ABCA1: variants seen among roughly 807,000 people sequenced by gnomAD.
The protein encoded by ABCA1 is ATP binding cassette subfamily A member 1, also known as phospholipid-transporting ATPase ABCA1.
Under a neutral mutation model 262.5 loss-of-function variants are expected in ABCA1, and 133 were observed. The observed-to-expected ratio is 0.51, with a 90% CI of 0.44 to 0.59. The LOEUF (loss-of-function observed/expected upper bound fraction) is 0.59, where lower values mean the gene tolerates loss of function less well. ABCA1 is among the 20% of genes least tolerant of loss of function. The probability of loss-of-function intolerance (pLI) is 0.00; values close to 1 mark genes in which losing one functional copy is unlikely to be tolerated. For missense variants in ABCA1, 2,452 were observed against 2,777.5 expected (o/e 0.88, Z 2.63); for synonymous variants, 1,022 against 1,043.5 (o/e 0.98, Z 0.40).
intron 30 of ABCA1, 97 bp from the exon 31 acceptor site, chr9:104,806,527 T>C (rs1588252151): frequency 4.2e-6 from 5 of 1,199,626 alleles, no homozygotes; most frequent in East Asian, 2.5e-5. Flanking sequence ...ACCACAAACA[T>C]GCATCTATTC....
chr9:104,800,809 A>G (rs1250797165), intron 34 of ABCA1, among the ~76,000 whole-genome samples: 2 of 152,218 alleles, frequency 1.3e-5, no homozygotes, highest in Non-Finnish European at 1.5e-5. Context: ...AGAAGGAATC[A>G]CAGAGAAATC....
chr9:104,875,337 G>A (rs1289855519), intron 5 of ABCA1, among the ~76,000 whole-genome samples: 1 of 141,562 alleles, frequency 7.1e-6, no homozygotes. Context: ...GGGCAACAGA[G>A]TGAGACTCCA....
chr9:104,910,802 T>G (rs1841450633), intron 1 of ABCA1, among the ~76,000 whole-genome samples: 1 of 152,192 alleles, frequency 6.6e-6, no homozygotes, highest in South Asian at 2.1e-4. Flanking sequence ...CCTCCCAGGT[T>G]CAAGTGATTC....
intron 1 of ABCA1, among the ~76,000 whole-genome samples, chr9:104,904,699 A>G (rs1472272963): frequency 6.6e-6 from 1 of 152,170 alleles, no homozygotes; most frequent in Non-Finnish European, 1.5e-5. Flanking sequence ...GGACAACCCT[A>G]GCGCTGTGTC....
At chr9:104,869,884 G>A (rs1473535273) in intron 5 of ABCA1, among the ~76,000 whole-genome samples, 1 of 151,430 alleles carries the variant, frequency 6.6e-6, no homozygotes, top group African/African-American at 2.4e-5. Flanking sequence ...CCATTTTTCT[G>A]TAAATGGAGG....
intron 48 of ABCA1, among the ~76,000 whole-genome samples, 163 bp from the exon 49 acceptor site, chr9:104,785,802 A>G (rs189218593): frequency 2.0e-5 from 3 of 152,316 alleles, no homozygotes; most frequent in African/African-American, 7.2e-5. Flanking sequence ...CTAAATACTT[A>G]TTTTATGTGA....
chr9:104,792,638 T>G, intron 42 of ABCA1, 148 bp downstream of exon 42: 1 of 984,498 alleles, frequency 1.0e-6, no homozygotes, highest in East Asian at 2.5e-5. Flanking sequence ...TCCATGGTGT[T>G]TTTAAAATAA....
intron 1 of ABCA1, among the ~76,000 whole-genome samples, chr9:104,918,173 T>G (rs886292099): frequency 6.6e-6 from 1 of 151,960 alleles, no homozygotes; most frequent in Non-Finnish European, 1.5e-5. Context: ...GTGAGGAATA[T>G]GAGCAGAAGA....
At position 104,825,728 on chromosome 9, in the gene ABCA1, A is replaced by C. The variant is rs890054369; in HGVS notation, c.2497T>G (p.Phe833Val). 3 of 1,614,136 alleles carry C rather than the reference A, an allele frequency of 1.9e-6. No individual in the cohort carries two copies. The African/African-American group carries it at 4.0e-5, about 22-fold the overall frequency. ...TSVSMMLFDT[F>V]LYGVMTWYIE... ...TACCAGGTCATCACCCCATAGAGGA[A>C]GGTGTCAAACAGCATCATGGAGACC... The change falls in exon 17 of 50, where the codon TTC becomes GTC. Residue 833 changes from phenylalanine to valine, a missense_variant. This residue lies in a region of ABCA1 where 1,032 missense variants were observed against 1,089.7 expected (regional missense o/e 0.95). Coordinates refer to ENST00000374736, the MANE Select transcript of ABCA1 (RefSeq NM_005502.4).
chr9:104,920,717 G>C (rs747315840), intron 1 of ABCA1, among the ~76,000 whole-genome samples: 10 of 152,108 alleles, frequency 6.6e-5, no homozygotes, highest in Non-Finnish European at 1.2e-4. Flanking sequence ...TCACCATGCT[G>C]GTCAGGCTGG....
chr9:104,836,630 C>A (rs1833840851), intron 11 of ABCA1, among the ~76,000 whole-genome samples: 1 of 152,162 alleles, frequency 6.6e-6, no homozygotes, highest in African/African-American at 2.4e-5. Flanking sequence ...TTTCCAAAAC[C>A]TACCAAGACA....
At chr9:104,846,160 T>C (rs1371173399) in intron 7 of ABCA1, among the ~76,000 whole-genome samples, 3 of 152,152 alleles carry the variant, frequency 2.0e-5, no homozygotes, top group Admixed American at 6.5e-5. Flanking sequence ...ACAGCAGATA[T>C]AGGACAATAA....
At chr9:104,807,885 T>TTA (rs541257830) in intron 30 of ABCA1, among the ~76,000 whole-genome samples, 118,325 of 143,390 alleles carry the variant, frequency 0.83, 48,681 homozygotes, top group Non-Finnish European at 0.86. Flanking sequence ...CATATATATA[T>TTA]TATAAATATA....
chr9:104,845,563 G>T lies in ABCA1; in HGVS notation c.727C>A (p.Leu243Ile), dbSNP rs1197400445. 1 of 1,610,562 alleles carries T rather than the reference G, an allele frequency of 6.2e-7. No individual in the cohort carries two copies. The change falls in exon 8 of 50, where the codon CTA (leucine) becomes ATA (isoleucine). Residue 243 changes from leucine (L) to isoleucine (I), a missense_variant. This residue lies in a region of ABCA1 where 1,032 missense variants were observed against 1,089.7 expected (regional missense o/e 0.95). Transcript: ENST00000374736. ...MDILKPILRT[L>I]NSTSPFPSKE... ...CTCGGGAAGGGAGATGTAGAGTTTA[G>T]TGTTCTCTGTAATGAGAAAGAAAAC...
intron 44 of ABCA1, among the ~76,000 whole-genome samples, chr9:104,790,100 A>C (rs1419089465): frequency 2.0e-5 from 3 of 151,852 alleles, no homozygotes; most frequent in Non-Finnish European, 4.4e-5. Context: ...CCGTCTCAAA[A>C]AAAAAAAAGC....
chr9:104,898,666 A>T (rs1384065743), intron 2 of ABCA1, among the ~76,000 whole-genome samples: 1 of 152,204 alleles, frequency 6.6e-6, no homozygotes, highest in East Asian at 1.9e-4. Context: ...CTACCAACTC[A>T]TCCCCCGCCA....
At chr9:104,833,345 C>T (rs1421672975) in intron 11 of ABCA1, among the ~76,000 whole-genome samples, 1 of 152,120 alleles carries the variant, frequency 6.6e-6, no homozygotes, top group African/African-American at 2.4e-5. Context: ...CCACACCTGG[C>T]TAATTTTTAA....
At chr9:104,795,028 C>A (rs1186163241) in intron 39 of ABCA1, among the ~76,000 whole-genome samples, 1 of 152,176 alleles carries the variant, frequency 6.6e-6, no homozygotes, top group Non-Finnish European at 1.5e-5. Flanking sequence ...AAACAGACTC[C>A]ACTCCGAGTA....
chr9:104,793,038 C>A, intron 41 of ABCA1, 132 bp from the exon 42 acceptor site: 1 of 1,583,104 alleles, frequency 6.3e-7, no homozygotes, highest in South Asian at 1.1e-5. Flanking sequence ...TGCGGGATGC[C>A]CACATCAGGA....
Sources: allele counts gnomAD v4.1 joint callset (sites outside exome capture counted in the v4.1 genomes callset), GRCh38; gene constraint gnomAD v4.1.1; regional missense constraint gnomAD v4.1.1; transcripts MANE v1.5; gene names NCBI Gene and HGNC (gene_info 2026-07-23, HGNC 2026-07-21).